DEPDC1B: variants seen among roughly 807,000 people sequenced by gnomAD.
DEPDC1B encodes DEP domain-containing protein 1B.
A neutral mutation model predicts 66.5 loss-of-function variants in DEPDC1B; 51 were observed. The ratio of observed to expected loss-of-function variants is 0.77; its 90% CI spans 0.61 to 0.97. The LOEUF is 0.97. Ranked by LOEUF, DEPDC1B falls within the 50% of genes least tolerant of loss-of-function variation. DEPDC1B has a pLI of 0.00. For missense variants in DEPDC1B, 552 were observed against 637.1 expected (o/e 0.87, Z 1.44); for synonymous variants, 226 against 223.6 (o/e 1.01, Z -0.10).
intron 6 of DEPDC1B, among the ~76,000 whole-genome samples, chr5:60,640,414 TGCATGGTGA>T (rs2111859184): frequency 6.6e-6 from 1 of 152,300 alleles, no homozygotes; most frequent in African/African-American, 2.4e-5. Context: ...AAAAAATCAG[TGCATGGTGA>T]GCCCTATGAG....
intron 2 of DEPDC1B, among the ~76,000 whole-genome samples, chr5:60,679,634 C>G (rs1253916370): frequency 6.6e-6 from 1 of 152,092 alleles, no homozygotes; most frequent in African/African-American, 2.4e-5. Flanking sequence ...CAATCCCCAC[C>G]ATCTGAGCTG....
chr5:60,651,549 CAAAAA>C (rs3029124), intron 2 of DEPDC1B, among the ~76,000 whole-genome samples: 1 of 140,022 alleles, frequency 7.1e-6, no homozygotes, highest in African/African-American at 2.8e-5. Flanking sequence ...ACAAAAAAAA[CAAAAA>C]AAAAACTAAA....
At chr5:60,615,258 CAT>C (rs773600998) in intron 7 of DEPDC1B, among the ~76,000 whole-genome samples, 8 of 152,128 alleles carry the variant, frequency 5.3e-5, no homozygotes, top group Non-Finnish European at 1.0e-4. Context: ...TTCCAACTGA[CAT>C]AACGGGTTCA....
chr5:60,597,952 C>A, intron 10 of DEPDC1B, 38 bp from the exon 11 acceptor site: 1 of 1,507,086 alleles, frequency 6.6e-7, no homozygotes, highest in East Asian at 2.5e-5. Flanking sequence ...TAAAAAAAGA[C>A]ACATAAAAGC....
intron 1 of DEPDC1B, among the ~76,000 whole-genome samples, chr5:60,690,646 G>T (rs747967453): frequency 6.6e-6 from 1 of 151,878 alleles, no homozygotes; most frequent in Non-Finnish European, 1.5e-5. Flanking sequence ...TATAAACTCC[G>T]AATCTTTTGT....
intron 7 of DEPDC1B, among the ~76,000 whole-genome samples, chr5:60,614,615 T>C (rs1752499168): frequency 6.6e-6 from 1 of 152,256 alleles, no homozygotes; most frequent in Non-Finnish European, 1.5e-5. Flanking sequence ...ATATGTTTAT[T>C]AAATAATGTT....
intron 7 of DEPDC1B, among the ~76,000 whole-genome samples, chr5:60,611,277 ATG>A (rs1420652993): frequency 1.3e-5 from 2 of 152,168 alleles, no homozygotes; most frequent in African/African-American, 2.4e-5. Context: ...TAATCAACCA[ATG>A]TGTGTGTTCT....
At chr5:60,683,308 T>C (rs1313970863) in intron 2 of DEPDC1B, among the ~76,000 whole-genome samples, 1 of 152,136 alleles carries the variant, frequency 6.6e-6, no homozygotes, top group African/African-American at 2.4e-5. Context: ...GGCGTGCGCT[T>C]GTAGTCCCTG....
At chr5:60,635,045 G>A (rs1753012745) in intron 7 of DEPDC1B, among the ~76,000 whole-genome samples, 1 of 144,680 alleles carries the variant, frequency 6.9e-6, no homozygotes, top group South Asian at 2.2e-4. Flanking sequence ...GGCAACAAGA[G>A]CGAAACTCCA....
intron 2 of DEPDC1B, among the ~76,000 whole-genome samples, chr5:60,678,748 G>T (rs1314416432): frequency 1.3e-5 from 2 of 152,108 alleles, no homozygotes; most frequent in African/African-American, 4.8e-5. Context: ...TGGATTGCTT[G>T]TTTACTTACT....
intron 7 of DEPDC1B, among the ~76,000 whole-genome samples, chr5:60,618,486 A>G (rs1473819396): frequency 6.6e-6 from 1 of 152,230 alleles, no homozygotes; most frequent in Admixed American, 6.5e-5. Context: ...AATACAAACT[A>G]CCATCAGAGA....
At chr5:60,650,297 C>A (rs943451637) in intron 2 of DEPDC1B, among the ~76,000 whole-genome samples, 1 of 152,158 alleles carries the variant, frequency 6.6e-6, no homozygotes, top group Non-Finnish European at 1.5e-5. Context: ...GGTGACTTGT[C>A]CTATCAGATA....
intron 7 of DEPDC1B, among the ~76,000 whole-genome samples, chr5:60,631,581 G>A (rs1752925837): frequency 6.6e-6 from 1 of 152,178 alleles, no homozygotes; most frequent in Non-Finnish European, 1.5e-5. Context: ...GTGGATTCTG[G>A]AAAGGATAAG....
intron 1 of DEPDC1B, among the ~76,000 whole-genome samples, chr5:60,690,034 G>A (rs920350650): frequency 2.0e-5 from 3 of 152,144 alleles, no homozygotes; most frequent in Non-Finnish European, 2.9e-5. Context: ...CAGCCTGAGC[G>A]ACAGAGTAAG....
At chr5:60,613,108 T>A (rs1752457742) in intron 7 of DEPDC1B, among the ~76,000 whole-genome samples, 1 of 152,226 alleles carries the variant, frequency 6.6e-6, no homozygotes, top group African/African-American at 2.4e-5. Context: ...AGGCCATGAT[T>A]TGACCCTTAC....
At chr5:60,637,936 T>C (rs1299367228) in intron 7 of DEPDC1B, among the ~76,000 whole-genome samples, 1 of 151,898 alleles carries the variant, frequency 6.6e-6, no homozygotes, top group Non-Finnish European at 1.5e-5. Context: ...AAGAACGACA[T>C]AGAGAAGGAG....
chr5:60,638,101 AAACAATAATACTTAAT>A (rs1318730231), intron 7 of DEPDC1B, among the ~76,000 whole-genome samples: 2 of 152,218 alleles, frequency 1.3e-5, no homozygotes, highest in East Asian at 1.9e-4. Flanking sequence ...TTTGACAAGA[AAACAATAATACTTAAT>A]GAACAATTAC....
chr5:60,673,049 A>C (rs1418006098), intron 2 of DEPDC1B, among the ~76,000 whole-genome samples: 2 of 152,148 alleles, frequency 1.3e-5, no homozygotes, highest in Non-Finnish European at 2.9e-5. Context: ...ATTCTTTCAC[A>C]GCCTTATCTC....
At chr5:60,642,961 C>A in intron 5 of DEPDC1B, 102 bp from the exon 6 acceptor site, 2 of 807,826 alleles carry the variant, frequency 2.5e-6, no homozygotes, top group Non-Finnish European at 4.0e-6. Flanking sequence ...TAATATGAAC[C>A]ATATCTGCTA....
Sources: gnomAD v4.1 joint callset for allele counts (sites outside exome capture counted in the v4.1 genomes callset) on GRCh38, gnomAD v4.1.1 for gene constraint, MANE v1.5 for transcripts, NCBI Gene and HGNC (gene_info 2026-07-23, HGNC 2026-07-21) for gene names.